The following METTL9 variants were observed in gnomAD, a reference collection of about 807,000 sequenced individuals.
METTL9 encodes the protein methyltransferase 9, His-X-His N1(pi)-histidine, also known as protein-L-histidine N-pros-methyltransferase.
A neutral mutation model predicts 36.0 loss-of-function variants in METTL9; 10 were observed. That is an observed-to-expected ratio of 0.28 (90% confidence interval 0.17 to 0.47). METTL9 has a LOEUF of 0.47. Among genes scored for constraint, METTL9 ranks in the 20% least tolerant of loss-of-function variants. The probability of loss-of-function intolerance (pLI) is 0.99; values close to 1 mark genes in which losing one functional copy is unlikely to be tolerated. For missense variants in METTL9, 246 were observed against 383.5 expected (o/e 0.64, Z 3.00); for synonymous variants, 175 against 149.7 (o/e 1.17, Z -1.23).
At position 21,655,267 on chromosome 16, in the gene METTL9, C is replaced by T; in HGVS notation, c.792C>T (p.Ile264=). The change falls in exon 5 of 5, where the codon ATC becomes ATT. Residue 264 remains isoleucine, a synonymous_variant. Transcript: ENST00000358154. ...KWEKPSEILE[I]KGQNWEEQVN... ...AGAAACCATCAGAAATTTTGGAAAT[C>T]AAAGGACAGAACTGGGAAGAACAAG... 1 of 1,614,118 alleles carries T rather than the reference C, an allele frequency of 6.2e-7. No individual in the cohort carries two copies. Among genetic ancestry groups the T allele is most frequent in the Admixed American group, 1.7e-5 (1 of 60,002 alleles).
intron 2 of METTL9, among the ~76,000 whole-genome samples, chr16:21,616,711 G>A (rs117411276): frequency 3.9e-5 from 6 of 152,168 alleles, no homozygotes; most frequent in African/African-American, 7.2e-5. Flanking sequence ...CATATTAACC[G>A]ACATCACAAG....
At chr16:21,633,766 C>G (rs540141119) in intron 4 of METTL9, among the ~76,000 whole-genome samples, 1 of 152,292 alleles carries the variant, frequency 6.6e-6, no homozygotes, top group African/African-American at 2.4e-5. Flanking sequence ...CCATACTAAG[C>G]CTTGAGCTTT....
intron 4 of METTL9, among the ~76,000 whole-genome samples, chr16:21,651,075 T>A (rs1597790740): frequency 6.6e-6 from 1 of 151,932 alleles, no homozygotes; most frequent in Admixed American, 6.6e-5. Context: ...TACAAAAAAT[T>A]AGCCGGGTGT....
At chr16:21,635,463 C>G (rs1966066123) in intron 4 of METTL9, among the ~76,000 whole-genome samples, 1 of 151,956 alleles carries the variant, frequency 6.6e-6, no homozygotes. Context: ...AAATTGCAAG[C>G]TCTGTATAGT....
intron 3 of METTL9, among the ~76,000 whole-genome samples, chr16:21,621,656 T>C (rs1250005613): frequency 6.6e-6 from 1 of 152,034 alleles, no homozygotes; most frequent in Non-Finnish European, 1.5e-5. Context: ...AATAGGTCAA[T>C]AAACAGAAAA....
intron 2 of METTL9, among the ~76,000 whole-genome samples, chr16:21,616,897 G>A (rs1238885808): frequency 6.6e-6 from 1 of 152,004 alleles, no homozygotes; most frequent in Non-Finnish European, 1.5e-5. Context: ...TGATAAACAT[G>A]TTTTCTGTTA....
intron 2 of METTL9, among the ~76,000 whole-genome samples, chr16:21,614,463 G>C (rs547891295): frequency 3.3e-5 from 5 of 152,124 alleles, no homozygotes; most frequent in Non-Finnish European, 7.4e-5. Context: ...TGATCAAAGA[G>C]GCAATGCAGT....
chr16:21,640,769 A>G (rs1966239839), intron 4 of METTL9: 1 of 149,526 alleles, frequency 6.7e-6, no homozygotes, highest in Admixed American at 6.7e-5. Context: ...TCTGTCTCAA[A>G]AAAAAAAAAA....
chr16:21,615,105 G>C (rs147784527), intron 2 of METTL9, among the ~76,000 whole-genome samples: 1 of 152,252 alleles, frequency 6.6e-6, no homozygotes, highest in Non-Finnish European at 1.5e-5. Context: ...AATCAATCCT[G>C]GTTGATAAAC....
At chr16:21,617,748 C>A in intron 2 of METTL9, 117 bp from the exon 3 acceptor site, 1 of 901,364 alleles carries the variant, frequency 1.1e-6, no homozygotes, top group Non-Finnish European at 1.8e-6. Flanking sequence ...AAAATCTTAA[C>A]CATGTAATAA....
chr16:21,642,146 G>A (rs552285337), intron 4 of METTL9: 5 of 152,280 alleles, frequency 3.3e-5, no homozygotes, highest in Non-Finnish European at 5.9e-5. Flanking sequence ...AGTTCGTGAA[G>A]CGTTCCATAT....
intron 4 of METTL9, 44 bp from the exon 5 acceptor site, chr16:21,655,183 C>A: frequency 6.4e-7 from 1 of 1,564,368 alleles, no homozygotes; most frequent in Non-Finnish European, 8.8e-7. Flanking sequence ...CTTTAAATCA[C>A]TTGTTTGTTC....
intron 4 of METTL9, among the ~76,000 whole-genome samples, chr16:21,637,261 G>A (rs1408306715): frequency 6.6e-6 from 1 of 152,100 alleles, no homozygotes; most frequent in Non-Finnish European, 1.5e-5. Context: ...TTGACAGAGC[G>A]CTGATTTGTG....
At chr16:21,622,501 AAAT>A (rs1323900789) in intron 3 of METTL9, among the ~76,000 whole-genome samples, 2 of 152,186 alleles carry the variant, frequency 1.3e-5, no homozygotes, top group East Asian at 3.9e-4. Context: ...ATTTTCTTGA[AAAT>A]AATAATCACT....
At chr16:21,643,094 CAT>C (rs1221513425) in intron 4 of METTL9, 2 of 1,606,354 alleles carry the variant, frequency 1.2e-6, no homozygotes, top group Non-Finnish European at 1.7e-6. Flanking sequence ...TTTGTTTCCA[CAT>C]GTCTCTTATG....
chr16:21,652,292 C>G (rs1966597575), intron 4 of METTL9: 4 of 384,950 alleles, frequency 1.0e-5, no homozygotes, highest in Non-Finnish European at 1.8e-5. Flanking sequence ...ACCCTTTGGT[C>G]AGATTGTCTC....
In METTL9 at chr16:21,657,125, A is replaced by G. The variant is rs1168742126; in HGVS notation, c.*1693A>G. ...GGCAGGTTGCCCCAAAGTGTTTTCTAACTTTCAAGTAGAGAACTTTATGCT... is the reference window on the plus strand; with the variant it reads ...GGCAGGTTGCCCCAAAGTGTTTTCTGACTTTCAAGTAGAGAACTTTATGCT... On this transcript the variant is annotated 3_prime_UTR_variant, in exon 5 of 5. Transcript: ENST00000358154. The G allele has an allele frequency of 3.3e-5, 5 of 152,130 alleles. No individual in the cohort carries two copies. The highest frequency in any genetic ancestry group is 1.2e-4 in the African/African-American group (5 of 41,432). 9.4% of individuals were successfully genotyped at this position (152,130 alleles called of 1,614,324 possible).
intron 2 of METTL9, among the ~76,000 whole-genome samples, chr16:21,615,221 C>G (rs1023762434): frequency 6.6e-6 from 1 of 152,088 alleles, no homozygotes; most frequent in Non-Finnish European, 1.5e-5. Context: ...CCCTCTTTCT[C>G]TAGTGCCTTC....
chr16:21,605,311 T>C (rs1323615490), intron 1 of METTL9, among the ~76,000 whole-genome samples: 1 of 124,084 alleles, frequency 8.1e-6, no homozygotes, highest in Non-Finnish European at 1.6e-5. Flanking sequence ...AACAAGTTCT[T>C]ACTCTGTCAC....
Sources: gnomAD v4.1 joint callset for allele counts (sites outside exome capture counted in the v4.1 genomes callset) on GRCh38, gnomAD v4.1.1 for gene constraint, MANE v1.5 for transcripts, NCBI Gene and HGNC (gene_info 2026-07-23, HGNC 2026-07-21) for gene names.